AP1M2: variants seen among roughly 807,000 people sequenced by gnomAD.
AP1M2 encodes AP-1 complex subunit mu-2.
In AP1M2, 41 loss-of-function variants were observed where a neutral mutation model predicts 54.6. The observed-to-expected ratio is 0.75, with a 90% CI of 0.59 to 0.97. The LOEUF (loss-of-function observed/expected upper bound fraction) is 0.97. Ranked by LOEUF, AP1M2 falls within the 50% of genes least tolerant of loss-of-function variation. The pLI is 0.00. For synonymous variants in AP1M2, 219 were observed against 215.9 expected (o/e 1.01, Z -0.13); for missense variants, 507 against 561.2 (o/e 0.90, Z 0.98).
chr19:10,574,478 C>A lies in AP1M2; in HGVS notation c.1188G>T (p.Lys396Asn). ...CCTGGTAACCACTTTTCTCAATGAT[C>A]TTCATGTATCGGACCTGGAAGGGAA... is the stretch of plus-strand genomic sequence containing the variant. ...TVSGIQVRYM[K>N]IIEKSGYQAL... The change falls in exon 11 of 12, where the codon AAG (lysine) becomes AAT (asparagine). Residue 396 changes from lysine (K) to asparagine (N), a missense_variant. By Grantham distance (94) the Lys-to-Asn change is moderately conservative. Transcript: ENST00000250244. The A allele has an allele frequency of 2.2e-5, 35 of 1,564,756 alleles. No homozygotes were observed. Among genetic ancestry groups the A allele is most frequent in the Non-Finnish European group, 2.9e-5 (34 of 1,154,570 alleles).
rs183277402 is a variant in AP1M2 at position 10,586,065 on chromosome 19, C to T, written c.42+1125G>A. On this transcript the variant is annotated intron_variant, in intron 1 of 11. Coordinates refer to ENST00000250244, the MANE Select transcript of AP1M2 (RefSeq NM_005498.5). ...TTGGGAGGCCGAGGTGGGCGGATCA[C>T]GAGGTCAAGAGATTGAGACCATCCT... 7.2e-5 allele frequency among the ~76,000 whole-genome samples: 11 copies of T among 152,056 alleles called. No individual in the cohort carries two copies. The East Asian group carries it at 1.7e-3, about 24-fold the overall frequency.
Position 10,574,906 on chromosome 19 carries a change from G to T in AP1M2, c.1171C>A (p.Gln391Lys). Reference protein sequence around the residue: ...EIPYFTVSGIQVRYMKIIEKS... With the variant: ...EIPYFTVSGIKVRYMKIIEKS... ...TCCTCCCTGCCTGCTTCTCTCACCT[G>T]GATCCCAGAGACGGTGAAGTAGGGG... The change falls in exon 10 of 12, where the codon CAG (glutamine) becomes AAG (lysine). Residue 391 changes from glutamine to lysine, a missense_variant and splice_region_variant. By Grantham distance (53) the Gln-to-Lys change is moderately conservative (BLOSUM62 1). Transcript: ENST00000250244. The T allele has an allele frequency of 6.2e-7, 1 of 1,603,262 alleles. No individual in the cohort carries two copies. Among genetic ancestry groups the T allele is most frequent in the Non-Finnish European group, 8.5e-7 (1 of 1,174,534 alleles).
chr19:10,574,468 T>C lies in AP1M2; in HGVS notation c.1198A>G (p.Lys400Glu). Residue 400 changes from lysine (K) to glutamate (E), a missense_variant, in exon 11 of 12, where the codon AAA (lysine) becomes GAA (glutamate). Lys to Glu is a moderately conservative substitution (Grantham distance 56). Coordinates refer to ENST00000250244, the MANE Select transcript of AP1M2 (RefSeq NM_005498.5). Reference sequence around the variant, plus strand: ...CAGGGCAGGGCCTGGTAACCACTTTTCTCAATGATCTTCATGTATCGGACC... The same window carrying C: ...CAGGGCAGGGCCTGGTAACCACTTTCCTCAATGATCTTCATGTATCGGACC... ...IQVRYMKIIE[K>E]SGYQALPWVR... 1.3e-6 allele frequency: 2 copies of C among 1,564,866 alleles called. No individual in the cohort carries two copies. Among genetic ancestry groups the C allele is most frequent in the Non-Finnish European group, 1.7e-6 (2 of 1,154,786 alleles).
chr19:10,581,227 C>G (rs1346501647), intron 6 of AP1M2, 39 bp downstream of exon 6: 37 of 1,584,126 alleles, frequency 2.3e-5, no homozygotes, highest in Non-Finnish European at 3.2e-5. Flanking sequence ...TGCGACTCCC[C>G]TGTGCATTTC....
intron 7 of AP1M2, among the ~76,000 whole-genome samples, chr19:10,579,171 C>A (rs1177183614): frequency 6.6e-6 from 1 of 152,012 alleles, no homozygotes. Flanking sequence ...AATCCCAGCA[C>A]TTTGGGAGGC....
At chr19:10,585,945 C>A (rs1444137946) in intron 1 of AP1M2, among the ~76,000 whole-genome samples, 1 of 151,718 alleles carries the variant, frequency 6.6e-6, no homozygotes, top group East Asian at 1.9e-4. Context: ...CCATCCTGGA[C>A]AACATAGCAA....
At chr19:10,575,413 C>T (rs1307245303) in intron 9 of AP1M2, among the ~76,000 whole-genome samples, 3 of 152,078 alleles carry the variant, frequency 2.0e-5, no homozygotes, top group Non-Finnish European at 2.9e-5. Flanking sequence ...TCCTGTTTTA[C>T]AGGCACTGAT....
intron 1 of AP1M2, among the ~76,000 whole-genome samples, chr19:10,585,335 G>GAA (rs1431997744): frequency 2.0e-5 from 3 of 150,764 alleles, no homozygotes; most frequent in African/African-American, 2.5e-5. Context: ...AAGAAAGAAA[G>GAA]AAAGAAAGAA....
chr19:10,577,320 C>T lies in AP1M2; in HGVS notation c.925G>A (p.Gly309Ser), dbSNP rs370253118. Residue 309 changes from glycine (G) to serine (S), a missense_variant, in exon 9 of 12, where the codon GGT (glycine) becomes AGT (serine). Physicochemically the swap from Gly to Ser is moderately conservative, Grantham distance 56. Transcript: ENST00000250244. The stretch of plus-strand genomic sequence containing the variant: ...GGTACAGGCACAGATATCTCCACAC[C>T]GTTGGCCACTGACTGTTTCTTAAAC... ...GQFKKQSVAN[G>S]VEISVPVPSD... 1.9e-5 allele frequency: 30 copies of T among 1,610,406 alleles called. No individual in the cohort carries two copies. In the African/African-American group the frequency reaches 3.7e-4, roughly 20 times the overall value.
chr19:10,583,880 AC>A lies in AP1M2; in HGVS notation c.199+33del, dbSNP rs1411144765. ...TGCCACCATCGCCGACAGCCCCCAC[AC>A]CCACCTCCAGGGACACCACGTGGGG... is the stretch of plus-strand genomic sequence containing the variant. On this transcript the variant is annotated intron_variant, in intron 2 of 11. Coordinates refer to ENST00000250244, the MANE Select transcript of AP1M2 (RefSeq NM_005498.5). The A allele has an allele frequency of 3.2e-6, 5 of 1,570,898 alleles. No individual in the cohort carries two copies. The South Asian group carries it at 5.8e-5, about 18-fold the overall frequency.
intron 1 of AP1M2, among the ~76,000 whole-genome samples, chr19:10,586,012 A>C (rs1292680720): frequency 6.6e-6 from 1 of 151,888 alleles, no homozygotes; most frequent in Non-Finnish European, 1.5e-5. Context: ...GGCCGGGCGC[A>C]GTGGCTCATG....
In AP1M2 at chr19:10,581,555, G is replaced by A. The variant is rs372188688; in HGVS notation, c.478C>T (p.Arg160Cys). Residue 160 changes from arginine to cysteine, a missense_variant, in exon 5 of 12, where the codon CGC becomes TGC. Transcript: ENST00000250244. ...TTCTTATACTTGATACCCTCGGAGC[G>A]CCAGGACACAGCGTTGGTGACAGTG... ...PPTVTNAVSW[R>C]SEGIKYKKNE... 22 of 1,613,724 alleles carry A rather than the reference G, an allele frequency of 1.4e-5. No individual in the cohort carries two copies. The highest frequency in any genetic ancestry group is 1.6e-4 in the Middle Eastern group (1 of 6,062).
intron 1 of AP1M2, 99 bp from the exon 2 acceptor site, chr19:10,584,169 G>A: frequency 2.8e-6 from 4 of 1,438,628 alleles, no homozygotes; most frequent in Non-Finnish European, 3.7e-6. Flanking sequence ...TCCTAGCTGA[G>A]GGGCTTGGGC....
rs779638828 is a variant in AP1M2 at position 10,583,897 on chromosome 19, C to T, written c.199+17G>A. 7 of 1,586,168 alleles carry T rather than the reference C, an allele frequency of 4.4e-6. No individual in the cohort carries two copies. Among genetic ancestry groups the T allele is most frequent in the Non-Finnish European group, 1.7e-6 (2 of 1,166,182 alleles). On this transcript the variant is annotated intron_variant, in intron 2 of 11. Coordinates refer to ENST00000250244, the MANE Select transcript of AP1M2 (RefSeq NM_005498.5). ...GCCCCCACACCCACCTCCAGGGACA[C>T]CACGTGGGGTGGATACAGTAGAGGT...
chr19:10,581,194 TAA>T, intron 6 of AP1M2, 70 bp downstream of exon 6: 8 of 1,535,362 alleles, frequency 5.2e-6, no homozygotes, highest in Non-Finnish European at 7.0e-6. Flanking sequence ...GCGATTCTCT[TAA>T]GTCCCCACGT....
At position 10,587,241 on chromosome 19, in the gene AP1M2, CG is replaced by C; in HGVS notation, c.-11del. The C allele has an allele frequency of 6.4e-7, 1 of 1,563,372 alleles. No individual in the cohort carries two copies. The highest frequency in any genetic ancestry group is 1.9e-5 in the Admixed American group (1 of 52,480). ...CAGCCGAGGCGGACATGGTGGCGGCCGAAGGACTTAGGAGTCGGGGAGGGAG... is the reference window on the plus strand; with the variant it reads ...CAGCCGAGGCGGACATGGTGGCGGCCAAGGACTTAGGAGTCGGGGAGGGAG... On this transcript the variant is annotated 5_prime_UTR_variant, in exon 1 of 12. Transcript: ENST00000250244.
rs1478369088 is a variant in AP1M2 at position 10,578,979 on chromosome 19, G to A, written c.817-16C>T. The A allele has an allele frequency of 6.3e-7, 1 of 1,581,528 alleles. No homozygotes were observed. Among genetic ancestry groups the A allele is most frequent in the Non-Finnish European group, 8.6e-7 (1 of 1,160,170 alleles). On this transcript the variant is annotated splice_polypyrimidine_tract_variant and intron_variant, in intron 7 of 11. Transcript: ENST00000250244. ...GTGGCTTGACCTGTGGGAAGAAGAA[G>A]GGGAGAGTTCTTGGAGACTCCATGT...
chr19:10,581,916 G>A, intron 3 of AP1M2, 38 bp from the exon 4 acceptor site: 1 of 1,539,606 alleles, frequency 6.5e-7, no homozygotes, highest in Non-Finnish European at 8.8e-7. Flanking sequence ...CAAAAGTGTG[G>A]CTATGGGTTG....
At chr19:10,585,165 T>C (rs1917587645) in intron 1 of AP1M2, 1 of 149,432 alleles carries the variant, frequency 6.7e-6, no homozygotes, top group South Asian at 2.1e-4. Context: ...CAGTGAGCTG[T>C]GGTCATACTA....
Sources: allele counts gnomAD v4.1 joint callset (sites outside exome capture counted in the v4.1 genomes callset), GRCh38; gene constraint gnomAD v4.1.1; transcripts MANE v1.5; gene names NCBI Gene and HGNC (gene_info 2026-07-23, HGNC 2026-07-21).